The following FANCB variants were observed in gnomAD, a reference collection of about 807,000 sequenced individuals.
FANCB encodes Fanconi anemia group B protein.
A neutral mutation model predicts 38.9 loss-of-function variants in FANCB; 5 were observed. The ratio of observed to expected loss-of-function variants is 0.13; its 90% CI spans 0.07 to 0.27. The LOEUF (loss-of-function observed/expected upper bound fraction) is 0.27, where lower values mean the gene tolerates loss of function less well. FANCB is among the 10% of genes least tolerant of loss of function. The pLI is 1.00. For synonymous variants in FANCB, 236 were observed against 215.4 expected (o/e 1.10, Z -0.84); for missense variants, 573 against 602.7 (o/e 0.95, Z 0.52).
intron 10 of FANCB, among the ~76,000 whole-genome samples, chrX:14,836,982 A>T (rs1357266436): frequency 8.9e-6 from 1 of 112,115 alleles, no homozygotes. Context: ...AAGAGTCTTA[A>T]ATTTATCTGG....
intron 1 of FANCB, among the ~76,000 whole-genome samples, chrX:14,872,509 T>C (rs759395275): frequency 2.7e-5 from 3 of 110,553 alleles, no homozygotes; most frequent in Admixed American, 9.6e-5. Flanking sequence ...CACTGGAGGA[T>C]GTTTGGCAGC....
chrX:14,855,668 T>A (rs780753607), intron 5 of FANCB, among the ~76,000 whole-genome samples: 1 of 112,609 alleles, frequency 8.9e-6, no homozygotes, highest in East Asian at 2.8e-4. Context: ...TGTGAATAAT[T>A]ACTCACGATG....
downstream of FANCB, among the ~76,000 whole-genome samples, chrX:14,835,595 A>G (rs1377552481): frequency 8.9e-6 from 1 of 111,901 alleles, no homozygotes; most frequent in African/African-American, 3.3e-5. Flanking sequence ...CATTTCTAAT[A>G]AATTCTCAGA....
chrX:14,853,859 A>G (rs1246194296), intron 5 of FANCB, among the ~76,000 whole-genome samples: 1 of 112,162 alleles, frequency 8.9e-6, no homozygotes, highest in African/African-American at 3.2e-5. Flanking sequence ...ATAGTTTGCT[A>G]CTGAAAATTT....
the FANCB span, among the ~76,000 whole-genome samples, chrX:14,798,275 G>A: frequency 1.8e-5 from 2 of 109,924 alleles, no homozygotes; most frequent in Non-Finnish European, 3.8e-5. Context: ...CCATTCTCTT[G>A]CCTCAGCCTC....
the FANCB span, among the ~76,000 whole-genome samples, chrX:14,751,159 C>T: frequency 1.8e-5 from 2 of 112,240 alleles, no homozygotes; most frequent in Non-Finnish European, 3.8e-5. Context: ...ATATAGCCAA[C>T]AAATACATAT....
At chrX:14,742,877 T>C in the FANCB span, among the ~76,000 whole-genome samples, 1 of 112,913 alleles carries the variant, frequency 8.9e-6, no homozygotes, top group Non-Finnish European at 1.9e-5. Context: ...TATGTTGGCA[T>C]AAGCAGGGCT....
the FANCB span, among the ~76,000 whole-genome samples, chrX:14,724,722 A>C: frequency 9.0e-6 from 1 of 110,546 alleles, no homozygotes; most frequent in Non-Finnish European, 1.9e-5. Flanking sequence ...CAATGATAAA[A>C]ATATGCTGCA....
At chrX:14,713,460 C>T in the FANCB span, among the ~76,000 whole-genome samples, 1 of 111,844 alleles carries the variant, frequency 8.9e-6, no homozygotes, top group African/African-American at 3.2e-5. Flanking sequence ...ATTGAAATAT[C>T]ACAGCCATAT....
chrX:14,775,846 AG>A, the FANCB span, among the ~76,000 whole-genome samples: 11 of 111,568 alleles, frequency 9.9e-5, no homozygotes, highest in African/African-American at 3.6e-4. Flanking sequence ...ATACTTATGG[AG>A]GGTCCTTGGT....
chrX:14,865,075 G>A lies in FANCB; in HGVS notation c.436C>T (p.His146Tyr). The A allele has an allele frequency of 1.7e-6, 2 of 1,209,836 alleles. No individual in the cohort carries two copies. The highest frequency in any genetic ancestry group is 2.2e-6 in the Non-Finnish European group (2 of 894,570). ...GAGATAAAGAAGAATGCTTTGACAT[G>A]CCTCCATAAAATTAAAGGGCCATTA... ...VLNGPLILWRHVKAFFFISSQ... is the reference protein window; with the variant it reads ...VLNGPLILWRYVKAFFFISSQ... Residue 146 changes from histidine to tyrosine, a missense_variant, in exon 3 of 10, where the codon CAT becomes TAT. Transcript: ENST00000650831.
At chrX:14,707,102 T>G in the FANCB span, among the ~76,000 whole-genome samples, 14 of 112,074 alleles carry the variant, frequency 1.2e-4, no homozygotes, top group Admixed American at 2.8e-4. Context: ...TCAATATGTT[T>G]CATTACAGCA....
At chrX:14,722,558 G>C in the FANCB span, among the ~76,000 whole-genome samples, 3 of 111,885 alleles carry the variant, frequency 2.7e-5, 1 homozygote, top group Admixed American at 2.9e-4. Context: ...TCAATGGAAA[G>C]AGTGTCAATG....
Position 14,850,634 on chromosome X carries a change from G to T in FANCB, c.1367C>A (p.Ser456Tyr). 8.4e-7 allele frequency: 1 copy of T among 1,188,465 alleles called. No individual in the cohort carries two copies. Among genetic ancestry groups the T allele is most frequent in the Non-Finnish European group, 1.1e-6 (1 of 876,893 alleles). ...LVPLCGEEEN[S>Y]VHILDEKLSD... is the part of the protein sequence containing the mutation. ...TAACTTTTCATCTAAGATATGGACA[G>T]AATTTTCTTCTTCACCACAAAGAGG... is the stretch of plus-strand genomic sequence containing the variant. Residue 456 changes from serine (S) to tyrosine (Y), a missense_variant, in exon 7 of 10, where the codon TCT becomes TAT. Ser to Tyr is a moderately radical substitution (Grantham distance 144, BLOSUM62 -2). Coordinates refer to ENST00000650831, the MANE Select transcript of FANCB (RefSeq NM_001018113.3).
chrX:14,714,526 C>T, the FANCB span, among the ~76,000 whole-genome samples: 3 of 111,664 alleles, frequency 2.7e-5, no homozygotes, highest in East Asian at 2.8e-4. Context: ...CTCCCTATGC[C>T]GCCACCCCAG....
At chrX:14,799,913 T>G in the FANCB span, among the ~76,000 whole-genome samples, 1 of 111,801 alleles carries the variant, frequency 8.9e-6, no homozygotes, top group African/African-American at 3.3e-5. Context: ...CTGAGGAGAT[T>G]TCCAAGCAAA....
At chrX:14,740,342 G>A in the FANCB span, among the ~76,000 whole-genome samples, 3 of 110,772 alleles carry the variant, frequency 2.7e-5, no homozygotes, top group Non-Finnish European at 5.7e-5. Flanking sequence ...ACAAGCCAGA[G>A]TCCTCACTTT....
At chrX:14,693,520 A>T in the FANCB span, among the ~76,000 whole-genome samples, 1 of 112,111 alleles carries the variant, frequency 8.9e-6, no homozygotes, top group African/African-American at 3.2e-5. Flanking sequence ...TCACACTCAT[A>T]GTGAGGAATT....
At chrX:14,730,561 C>T in the FANCB span, 2 of 441,715 alleles carry the variant, frequency 4.5e-6, no homozygotes, top group Non-Finnish European at 3.7e-6. Flanking sequence ...GTCTTTATAT[C>T]ACTTTGACAG....
Sources: allele counts gnomAD v4.1 joint callset (sites outside exome capture counted in the v4.1 genomes callset), GRCh38; gene constraint gnomAD v4.1.1; transcripts MANE v1.5; gene names NCBI Gene and HGNC (gene_info 2026-07-23, HGNC 2026-07-21).